HTR1A: variants seen among roughly 807,000 people sequenced by gnomAD.
HTR1A encodes the protein 5-hydroxytryptamine receptor 1A.
A neutral mutation model predicts 24.6 loss-of-function variants in HTR1A; 17 were observed. The ratio of observed to expected loss-of-function variants is 0.69; its 90% CI spans 0.47 to 1.04. The LOEUF (loss-of-function observed/expected upper bound fraction) is 1.04, where lower values mean the gene tolerates loss of function less well. Among genes scored for constraint, HTR1A ranks in the 50% least tolerant of loss-of-function variants. The pLI, the probability that HTR1A is intolerant of heterozygous loss-of-function variation, is 0.00. For synonymous variants in HTR1A, 262 were observed against 244.6 expected (o/e 1.07, Z -0.67); for missense variants, 515 against 565.1 (o/e 0.91, Z 0.90).
chr5:63,958,706 C>T lies in HTR1A; in HGVS notation c.*1745G>A, dbSNP rs768532626. Among the ~76,000 whole-genome samples the T allele has an allele frequency of 6.6e-6, 1 of 152,218 alleles. No individual in the cohort carries two copies. The highest frequency in any genetic ancestry group is 1.5e-5 in the Non-Finnish European group (1 of 68,046). On this transcript the variant is annotated 3_prime_UTR_variant, in exon 1 of 1. Transcript: ENST00000323865. ...ATTTACATCCAGAGTACCTAAATAA[C>T]TTCCCTTTCTGGGGCAGCAAAGATT...
At position 63,960,481 on chromosome 5, in the gene HTR1A, C is replaced by A. The variant is rs752001226; in HGVS notation, c.1239G>T (p.Lys413Asn). 7.4e-6 allele frequency: 12 copies of A among 1,614,112 alleles called. No homozygotes were observed. The highest frequency in any genetic ancestry group is 1.0e-5 in the Non-Finnish European group (12 of 1,180,050). Residue 413 changes from lysine to asparagine, a missense_variant, in exon 1 of 1, where the codon AAG becomes AAT. Transcript: ENST00000323865. Reference sequence around the variant, plus strand: ...GGCGGCAGAACTTACACTTAATGATCTTCTTAAACGCGTTTTGAAAGTCCT... The same window carrying A: ...GGCGGCAGAACTTACACTTAATGATATTCTTAAACGCGTTTTGAAAGTCCT... ...FNKDFQNAFK[K>N]IIKCKFCRQ is the part of the protein sequence containing the mutation.
rs773205795 is a variant in HTR1A at position 63,958,820 on chromosome 5, AG to A, written c.*1630del. ...ATGCTGCACAATTCAAAGGGCAAAA[AG>A]GTGGTTTCCGCAGACCCTTGGTACA... On this transcript the variant is annotated 3_prime_UTR_variant, in exon 1 of 1. Transcript: ENST00000323865. 6.0e-4 allele frequency among the ~76,000 whole-genome samples: 91 copies of A among 152,300 alleles called. No individual in the cohort carries two copies. The highest frequency in any genetic ancestry group is 1.2e-3 in the Admixed American group (19 of 15,304).
In HTR1A at chr5:63,960,878, A is replaced by C; in HGVS notation, c.842T>G (p.Val281Gly). The change falls in exon 1 of 1, where the codon GTG (valine) becomes GGG (glycine). Residue 281 changes from valine (V) to glycine (G), a missense_variant. By Grantham distance (109) the Val-to-Gly change is moderately radical (BLOSUM62 -3). This residue lies in a region of HTR1A where 381 missense variants were observed against 384.5 expected (regional missense o/e 0.99). Coordinates refer to ENST00000323865, the MANE Select transcript of HTR1A (RefSeq NM_000524.4). ...AGGALCANGAVRQGDDGAALE... is the reference protein window; with the variant it reads ...AGGALCANGAGRQGDDGAALE... ...GGCGGCGCCATCGTCACCTTGCCTCACCGCGCCATTGGCGCACAGAGCACC... is the reference window on the plus strand; with the variant it reads ...GGCGGCGCCATCGTCACCTTGCCTCCCCGCGCCATTGGCGCACAGAGCACC... 1 of 1,613,934 alleles carries C rather than the reference A, an allele frequency of 6.2e-7. No individual in the cohort carries two copies. The highest frequency in any genetic ancestry group is 8.5e-7 in the Non-Finnish European group (1 of 1,179,854).
chr5:63,961,456 C>T lies in HTR1A; in HGVS notation c.264G>A (p.Leu88=), dbSNP rs1190759712. Residue 88 remains leucine, a synonymous_variant, in exon 1 of 1, where the codon TTG becomes TTA. Coordinates refer to ENST00000323865, the MANE Select transcript of HTR1A (RefSeq NM_000524.4). ...LAVTDLMVSV[L]VLPMAALYQV... is the part of the protein sequence containing the mutation. Reference sequence around the variant, plus strand: ...GATACAGCGCGGCCATGGGCAGCACCAACACCGACACCATGAGGTCGGTGA... The same window carrying T: ...GATACAGCGCGGCCATGGGCAGCACTAACACCGACACCATGAGGTCGGTGA... The T allele has an allele frequency of 6.2e-7, 1 of 1,613,944 alleles. No individual in the cohort carries two copies. Among genetic ancestry groups the T allele is most frequent in the Non-Finnish European group, 8.5e-7 (1 of 1,179,920 alleles).
Position 63,959,642 on chromosome 5 carries a change from C to A in HTR1A, c.*809G>T. ...GTGCTGACACCAAGGCAAGCATAAA[C>A]AAAGTGGTCTGCACACCCTCCTCCT... On this transcript the variant is annotated 3_prime_UTR_variant, in exon 1 of 1. Coordinates refer to ENST00000323865, the MANE Select transcript of HTR1A (RefSeq NM_000524.4). Among the ~76,000 whole-genome samples the A allele has an allele frequency of 6.6e-6, 1 of 152,238 alleles. No individual in the cohort carries two copies. The highest frequency in any genetic ancestry group is 1.9e-4 in the East Asian group (1 of 5,194).
rs764934596 is a variant in HTR1A at position 63,957,979 on chromosome 5, G to A, written c.*2472C>T. On this transcript the variant is annotated 3_prime_UTR_variant, in exon 1 of 1. Transcript: ENST00000323865. ...ATTCTTGTGTAAATATTCCAAAGCC[G>A]AAAGAACAAATGTCCAAAAGTCATT... 5 of 152,210 alleles carry A rather than the reference G, an allele frequency of 3.3e-5. No individual in the cohort carries two copies. Among genetic ancestry groups the A allele is most frequent in the African/African-American group, 9.6e-5 (4 of 41,554 alleles). 9.4% of individuals were successfully genotyped at this position (152,210 alleles called of 1,614,324 possible).
rs1746433892 is a variant in HTR1A, at chr5:63,961,343, T to G, written c.377A>C (p.His126Pro). The stretch of plus-strand genomic sequence containing the variant: ...CCTGTCCAGCGCGATGGCGCACAGG[T>G]GCAAGATGGATGAGGTGCAGCACAG... ...DVLCCTSSIL[H>P]LCAIALDRYW... Residue 126 changes from histidine to proline, a missense_variant, in exon 1 of 1, where the codon CAC becomes CCC. Physicochemically the swap from His to Pro is moderately conservative, Grantham distance 77. This residue lies in a region of HTR1A where 80 missense variants were observed against 130.8 expected (regional missense o/e 0.61). Transcript: ENST00000323865. 6.2e-7 allele frequency: 1 copy of G among 1,613,848 alleles called. No homozygotes were observed. The highest frequency in any genetic ancestry group is 8.5e-7 in the Non-Finnish European group (1 of 1,179,954).
Position 63,961,284 on chromosome 5 carries a change from T to A in HTR1A, c.436A>T (p.Asn146Tyr). The change falls in exon 1 of 1, where the codon AAC (asparagine) becomes TAC (tyrosine). Residue 146 changes from asparagine (N) to tyrosine (Y), a missense_variant. Coordinates refer to ENST00000323865, the MANE Select transcript of HTR1A (RefSeq NM_000524.4). ...GCGGCGCGCCGGGGCGTCCTCTTGT[T>A]CACGTAGTCGATGGGGTCCGTGATG... ...WAITDPIDYV[N>Y]KRTPRRAAAL... The A allele has an allele frequency of 1.2e-6, 2 of 1,614,070 alleles. No individual in the cohort carries two copies. Among genetic ancestry groups the A allele is most frequent in the Non-Finnish European group, 1.7e-6 (2 of 1,179,980 alleles).
At position 63,960,882 on chromosome 5, in the gene HTR1A, C is replaced by A; in HGVS notation, c.838G>T (p.Ala280Ser). ...GCGCCATCGTCACCTTGCCTCACCG[C>A]GCCATTGGCGCACAGAGCACCCCCA... ...KAGGALCANG[A>S]VRQGDDGAAL... The change falls in exon 1 of 1, where the codon GCG (alanine) becomes TCG (serine). Residue 280 changes from alanine to serine, a missense_variant. By Grantham distance (99) the Ala-to-Ser change is moderately conservative. This residue lies in a region of HTR1A where 381 missense variants were observed against 384.5 expected (regional missense o/e 0.99). Transcript: ENST00000323865. 1.9e-6 allele frequency: 3 copies of A among 1,613,974 alleles called. No individual in the cohort carries two copies. The highest frequency in any genetic ancestry group is 1.7e-5 in the Admixed American group (1 of 60,028).
In HTR1A at chr5:63,960,859, G is replaced by A. The variant is rs763855576; in HGVS notation, c.861C>T (p.Gly287=). ...GCACCTCGATCACCTCCAGGGCGGC[G>A]CCATCGTCACCTTGCCTCACCGCGC... is the stretch of plus-strand genomic sequence containing the variant. The part of the protein sequence containing the change: ...ANGAVRQGDD[G]AALEVIEVHR... Residue 287 remains glycine, a synonymous_variant, in exon 1 of 1, where the codon GGC becomes GGT. Transcript: ENST00000323865. 7 of 1,614,062 alleles carry A rather than the reference G, an allele frequency of 4.3e-6. No homozygotes were observed. In the Admixed American group the frequency reaches 1.2e-4, roughly 27 times the overall value.
chr5:63,959,822 C>A lies in HTR1A; in HGVS notation c.*629G>T, dbSNP rs1470437096. On this transcript the variant is annotated 3_prime_UTR_variant, in exon 1 of 1. Coordinates refer to ENST00000323865, the MANE Select transcript of HTR1A (RefSeq NM_000524.4). Reference sequence around the variant, plus strand: ...CAAGTCTGCGAGAAGACGGGGAATCCCGGGGGCACCGCTGGCACGGGGAAA... The same window carrying A: ...CAAGTCTGCGAGAAGACGGGGAATCACGGGGGCACCGCTGGCACGGGGAAA... 1.3e-5 allele frequency among the ~76,000 whole-genome samples: 2 copies of A among 152,162 alleles called. No individual in the cohort carries two copies. Among genetic ancestry groups the A allele is most frequent in the Admixed American group, 6.5e-5 (1 of 15,282 alleles).
In HTR1A at chr5:63,960,095, T is replaced by G. The variant is rs1406612366; in HGVS notation, c.*356A>C. 6.6e-6 allele frequency among the ~76,000 whole-genome samples: 1 copy of G among 152,188 alleles called. No homozygotes were observed. Among genetic ancestry groups the G allele is most frequent in the African/African-American group, 2.4e-5 (1 of 41,460 alleles). On this transcript the variant is annotated 3_prime_UTR_variant, in exon 1 of 1. Coordinates refer to ENST00000323865, the MANE Select transcript of HTR1A (RefSeq NM_000524.4). ...GTACAGTTTATTTATTTTTTGGATT[T>G]TCTGCCTTGAACTAAGCATTAAACA...
Position 63,961,371 on chromosome 5 carries a change from C to T in HTR1A, c.349G>A (p.Val117Met). Residue 117 changes from valine to methionine, a missense_variant, in exon 1 of 1, where the codon GTG becomes ATG. Around this residue, in one of 3 missense-constraint regions of HTR1A, gnomAD observed 80 missense variants for 130.8 expected, o/e 0.61. Coordinates refer to ENST00000323865, the MANE Select transcript of HTR1A (RefSeq NM_000524.4). ...AAGATGGATGAGGTGCAGCACAGCACGTCGAGGGCGATGAACAGGTCGCAG... is the reference window on the plus strand; with the variant it reads ...AAGATGGATGAGGTGCAGCACAGCATGTCGAGGGCGATGAACAGGTCGCAG... ...VTCDLFIALD[V>M]LCCTSSILHL... The T allele has an allele frequency of 6.2e-7, 1 of 1,613,938 alleles. No individual in the cohort carries two copies. Among genetic ancestry groups the T allele is most frequent in the South Asian group, 1.1e-5 (1 of 91,062 alleles).
rs202063419 is a variant in HTR1A, at chr5:63,961,209, G to A, written c.511C>T (p.Pro171Ser). ...TCCGGGGTGCGCCAGCCCAGCATGG[G>A]CGGGATAGAGATGAGGAAGCCAATA... ...WLIGFLISIP[P>S]MLGWRTPEDR... Residue 171 changes from proline (P) to serine (S), a missense_variant, in exon 1 of 1, where the codon CCC (proline) becomes TCC (serine). By Grantham distance (74) the Pro-to-Ser change is moderately conservative (BLOSUM62 -1). Around this residue, in one of 3 missense-constraint regions of HTR1A, gnomAD observed 381 missense variants for 384.5 expected, o/e 0.99. Coordinates refer to ENST00000323865, the MANE Select transcript of HTR1A (RefSeq NM_000524.4). 1.7e-5 allele frequency: 27 copies of A among 1,614,030 alleles called. No individual in the cohort carries two copies. In the Admixed American group the frequency reaches 2.7e-4, roughly 16 times the overall value.
Position 63,960,757 on chromosome 5 carries a change from G to A in HTR1A, c.963C>T (p.Phe321=), listed in dbSNP as rs1746413215. ...CGGCGTTGCGCTCATTTTTCCTCTC[G>A]AAAGAGGCGGGGGCACAAGGGGTAG... ...AGPTPCAPAS[F]ERKNERNAEA... The change falls in exon 1 of 1, where the codon TTC becomes TTT. Residue 321 remains phenylalanine (F), a synonymous_variant. Coordinates refer to ENST00000323865, the MANE Select transcript of HTR1A (RefSeq NM_000524.4). The A allele has an allele frequency of 3.7e-6, 6 of 1,614,178 alleles. No homozygotes were observed. Among genetic ancestry groups the A allele is most frequent in the South Asian group, 1.1e-5 (1 of 91,086 alleles).
At position 63,960,961 on chromosome 5, in the gene HTR1A, A is replaced by G. The variant is rs1238142554; in HGVS notation, c.759T>C (p.Ser253=). ...GASPAPQPKK[S]VNGESGSRNW... Reference sequence around the variant, plus strand: ...TCCTGCTCCCCGACTCTCCATTCACACTCTTCTTGGGCTGCGGGGCGGGAG... The same window carrying G: ...TCCTGCTCCCCGACTCTCCATTCACGCTCTTCTTGGGCTGCGGGGCGGGAG... The change falls in exon 1 of 1, where the codon AGT becomes AGC. Residue 253 remains serine, a synonymous_variant. Coordinates refer to ENST00000323865, the MANE Select transcript of HTR1A (RefSeq NM_000524.4). The G allele has an allele frequency of 6.2e-7, 1 of 1,613,340 alleles. No individual in the cohort carries two copies. Among genetic ancestry groups the G allele is most frequent in the East Asian group, 2.2e-5 (1 of 44,816 alleles).
rs1579952847 is a variant in HTR1A at position 63,958,908 on chromosome 5, C to A, written c.*1543G>T. Among the ~76,000 whole-genome samples the A allele has an allele frequency of 6.6e-6, 1 of 152,260 alleles. No individual in the cohort carries two copies. Among genetic ancestry groups the A allele is most frequent in the South Asian group, 2.1e-4 (1 of 4,820 alleles). On this transcript the variant is annotated 3_prime_UTR_variant, in exon 1 of 1. Transcript: ENST00000323865. ...AAAGACTCAGCCTCCCCAGGAAGAC[C>A]ACCTCCTAACTAGTCCTTTAGGACC...
At position 63,960,284 on chromosome 5, in the gene HTR1A, C is replaced by T; in HGVS notation, c.*167G>A. The stretch of plus-strand genomic sequence containing the variant: ...GGTCTCCTTTGCACAAAGGGCCCTG[C>T]CGTGGAGCAGGAAGTGGGGAGGGGA... On this transcript the variant is annotated 3_prime_UTR_variant, in exon 1 of 1. Coordinates refer to ENST00000323865, the MANE Select transcript of HTR1A (RefSeq NM_000524.4). 3.9e-6 allele frequency: 3 copies of T among 767,392 alleles called. No individual in the cohort carries two copies. The highest frequency in any genetic ancestry group is 6.8e-6 in the Non-Finnish European group (3 of 440,976). 47.5% of individuals were successfully genotyped at this position (767,392 alleles called of 1,614,324 possible).
In HTR1A at chr5:63,962,079, A is replaced by G. The variant is rs1746452565; in HGVS notation, c.-360T>C. ...CTGCCGGAGCTGGAGTCTCCCCACT[A>G]GCAAACAGTCTCCAATCCCAGAAAT... is the stretch of plus-strand genomic sequence containing the variant. On this transcript the variant is annotated 5_prime_UTR_variant, in exon 1 of 1. Coordinates refer to ENST00000323865, the MANE Select transcript of HTR1A (RefSeq NM_000524.4). The G allele has an allele frequency of 2.5e-6, 1 of 393,846 alleles. No homozygotes were observed. The highest frequency in any genetic ancestry group is 4.8e-6 in the Non-Finnish European group (1 of 207,898). The allele number at this position is 393,846 out of a possible 1,614,324, so 24.4% of individuals were successfully genotyped here.
Sources: allele counts gnomAD v4.1 joint callset (sites outside exome capture counted in the v4.1 genomes callset), GRCh38; gene constraint gnomAD v4.1.1; regional missense constraint gnomAD v4.1.1; transcripts MANE v1.5; gene names NCBI Gene and HGNC (gene_info 2026-07-23, HGNC 2026-07-21).